The following TBC1D22A variants were observed in gnomAD, a reference collection of about 807,000 sequenced individuals.
The protein encoded by TBC1D22A is putative GTPase activator.
A neutral mutation model predicts 60.2 loss-of-function variants in TBC1D22A; 38 were observed. That is an observed-to-expected ratio of 0.63 (90% CI 0.49 to 0.83). The LOEUF (loss-of-function observed/expected upper bound fraction) is 0.83. TBC1D22A is among the 40% of genes least tolerant of loss of function. The pLI is 0.00. For synonymous variants in TBC1D22A, 302 were observed against 281.7 expected (o/e 1.07, Z -0.72); for missense variants, 628 against 701.0 (o/e 0.90, Z 1.18).
In TBC1D22A at chr22:46,799,381, A is replaced by T. The variant is rs1601912501; in HGVS notation, c.637+1761A>T. Among the ~76,000 whole-genome samples, 8 of 152,242 alleles carry T rather than the reference A, an allele frequency of 5.3e-5. 2 individuals carry two copies. Among genetic ancestry groups the T allele is most frequent in the Admixed American group, 5.2e-4 (8 of 15,284 alleles). On this transcript the variant is annotated intron_variant, in intron 4 of 12. Transcript: ENST00000337137. ...CCTGAACCATTTGAGAGTCAGTTGG[A>T]GATATATCCCTTTACCTCTGAAACC...
chr22:46,856,519 C>A (rs1273207513), intron 4 of TBC1D22A, among the ~76,000 whole-genome samples: 1 of 152,198 alleles, frequency 6.6e-6, no homozygotes, highest in Non-Finnish European at 1.5e-5. Context: ...AGTAGCCTTT[C>A]CTTTAATTAA....
At chr22:46,969,523 G>A (rs1380572807) in intron 8 of TBC1D22A, among the ~76,000 whole-genome samples, 1 of 152,220 alleles carries the variant, frequency 6.6e-6, no homozygotes, top group East Asian at 1.9e-4. Context: ...ATCCCCCAAA[G>A]CCTTTCTGTG....
intron 9 of TBC1D22A, among the ~76,000 whole-genome samples, chr22:46,976,784 T>C (rs2074314802): frequency 6.6e-6 from 1 of 152,164 alleles, no homozygotes; most frequent in Admixed American, 6.5e-5. Context: ...CACCAGTTGT[T>C]CCCAGCGTTC....
At chr22:46,868,408 T>G (rs1205677746) in intron 4 of TBC1D22A, among the ~76,000 whole-genome samples, 1 of 152,198 alleles carries the variant, frequency 6.6e-6, no homozygotes, top group Non-Finnish European at 1.5e-5. Context: ...ATGAATTTTG[T>G]GTTTAGATTT....
chr22:47,164,638 A>T (rs2068126718), intron 12 of TBC1D22A, among the ~76,000 whole-genome samples: 3 of 152,204 alleles, frequency 2.0e-5, no homozygotes, highest in African/African-American at 7.2e-5. Context: ...CCCAGCCCAA[A>T]TGGAGACACG....
chr22:47,031,553 G>A (rs937225807), intron 10 of TBC1D22A, among the ~76,000 whole-genome samples: 2 of 152,252 alleles, frequency 1.3e-5, no homozygotes, highest in Non-Finnish European at 2.9e-5. Flanking sequence ...CCCTGAGGAG[G>A]GTGGGTGGCT....
At chr22:46,809,325 A>G (rs778835014) in intron 4 of TBC1D22A, among the ~76,000 whole-genome samples, 7 of 152,196 alleles carry the variant, frequency 4.6e-5, no homozygotes, top group African/African-American at 7.2e-5. Context: ...GTCTCTCCCC[A>G]TAAGGACACT....
At chr22:46,971,504 C>T (rs539790997) in intron 8 of TBC1D22A, among the ~76,000 whole-genome samples, 1 of 152,366 alleles carries the variant, frequency 6.6e-6, no homozygotes, top group Admixed American at 6.5e-5. Flanking sequence ...ATCAGACCCA[C>T]TCTAGGCCAG....
At chr22:46,985,974 A>AG (rs2074708581) in intron 9 of TBC1D22A, among the ~76,000 whole-genome samples, 1 of 152,054 alleles carries the variant, frequency 6.6e-6, no homozygotes, top group Non-Finnish European at 1.5e-5. Context: ...TTGTGGTAAT[A>AG]GTTTTCTGTG....
chr22:46,947,713 T>A (rs1336617160), intron 8 of TBC1D22A, among the ~76,000 whole-genome samples: 2 of 146,222 alleles, frequency 1.4e-5, no homozygotes, highest in Non-Finnish European at 3.0e-5. Context: ...TCTCCCTCCC[T>A]CTTCCTCCCT....
chr22:47,124,145 G>A (rs1204479238), intron 12 of TBC1D22A, among the ~76,000 whole-genome samples: 2 of 152,366 alleles, frequency 1.3e-5, no homozygotes, highest in African/African-American at 2.4e-5. Context: ...GTCAGCGGGG[G>A]AGGGCACGCC....
intron 5 of TBC1D22A, among the ~76,000 whole-genome samples, chr22:46,886,828 C>T (rs2068143493): frequency 6.6e-6 from 1 of 152,264 alleles, no homozygotes; most frequent in Non-Finnish European, 1.5e-5. Flanking sequence ...CACTGTGCTG[C>T]GATAGGGCAA....
At chr22:47,114,976 C>T (rs575939187) in intron 12 of TBC1D22A, among the ~76,000 whole-genome samples, 3 of 145,186 alleles carry the variant, frequency 2.1e-5, no homozygotes, top group Admixed American at 7.1e-5. Context: ...GCTTCCTTGC[C>T]ATCTGTGAGC....
chr22:46,951,396 A>G (rs1157019706), intron 8 of TBC1D22A, among the ~76,000 whole-genome samples: 1 of 152,206 alleles, frequency 6.6e-6, no homozygotes, highest in Non-Finnish European at 1.5e-5. Flanking sequence ...TTGGGCCTTC[A>G]CAGTCAGTTT....
chr22:47,099,313 T>G (rs1250820892), intron 11 of TBC1D22A, among the ~76,000 whole-genome samples: 2 of 151,980 alleles, frequency 1.3e-5, no homozygotes, highest in Admixed American at 6.6e-5. Context: ...CAGGAAGGCA[T>G]GAGAGGCTGG....
At chr22:47,166,417 C>G (rs1220169587) in intron 12 of TBC1D22A, among the ~76,000 whole-genome samples, 1 of 152,170 alleles carries the variant, frequency 6.6e-6, no homozygotes, top group Non-Finnish European at 1.5e-5. Context: ...TCATTTGAAC[C>G]TAGAATCAAT....
intron 4 of TBC1D22A, among the ~76,000 whole-genome samples, chr22:46,850,900 T>C (rs1471289850): frequency 6.6e-6 from 1 of 152,244 alleles, no homozygotes; most frequent in Non-Finnish European, 1.5e-5. Context: ...GAATGCATTA[T>C]GTTAAGTGAA....
At chr22:47,132,664 G>A (rs2144412) in intron 12 of TBC1D22A, among the ~76,000 whole-genome samples, 4,038 of 152,248 alleles carry the variant, frequency 0.027, 180 homozygotes, top group African/African-American at 0.093. Flanking sequence ...TCCTGTCCTG[G>A]CTCCTGACCT....
At chr22:47,159,019 TACAC>T (rs3085388) in intron 12 of TBC1D22A, among the ~76,000 whole-genome samples, 6,853 of 137,054 alleles carry the variant, frequency 0.05, 548 homozygotes, top group African/African-American at 0.17. Flanking sequence ...TCACCATATA[TACAC>T]ACACACACAC....
Sources: allele counts gnomAD v4.1 joint callset (sites outside exome capture counted in the v4.1 genomes callset), GRCh38; gene constraint gnomAD v4.1.1; transcripts MANE v1.5; gene names NCBI Gene and HGNC (gene_info 2026-07-23, HGNC 2026-07-21).